Variants in MLST8 observed in about 807,000 individuals in gnomAD.
The protein encoded by MLST8 is MTOR associated protein MLST8, also known as target of rapamycin complex subunit LST8.
Under a neutral mutation model 41.3 loss-of-function variants are expected in MLST8, and 20 were observed. The ratio of observed to expected loss-of-function variants is 0.48; its 90% CI spans 0.34 to 0.70. The LOEUF (loss-of-function observed/expected upper bound fraction) is 0.70, where lower values mean the gene tolerates loss of function less well. Among genes scored for constraint, MLST8 ranks in the 30% least tolerant of loss-of-function variants. MLST8 has a pLI of 0.01. For missense variants in MLST8, 422 were observed against 454.3 expected, an observed-to-expected ratio of 0.93 and a Z score of 0.65; for synonymous variants, 243 against 183.0, an observed-to-expected ratio of 1.33 and a Z score of -2.65.
intron 6 of MLST8, 192 bp downstream of exon 6, chr16:2,207,537 C>T (rs190253464): frequency 4.5e-5 from 29 of 638,476 alleles, no homozygotes; most frequent in Middle Eastern, 3.8e-4. Context: ...GTCTGCAGGT[C>T]GGTCACTCCG....
At chr16:2,206,742 G>C (rs1199874865) in intron 4 of MLST8, 83 bp downstream of exon 4, 3 of 1,508,772 alleles carry the variant, frequency 2.0e-6, no homozygotes, top group Non-Finnish European at 1.8e-6. Flanking sequence ...TCTTCAAGCA[G>C]AGGCTGAGAC....
At position 2,206,210 on chromosome 16, in the gene MLST8, AC is replaced by A. The variant is rs766492421; in HGVS notation, c.126del (p.Ser43ProfsTer3). The A allele has an allele frequency of 1.6e-5, 25 of 1,607,074 alleles. No homozygotes were observed. On this transcript the variant is annotated frameshift_variant, in exon 2 of 9. Coordinates refer to ENST00000569417, the MANE Select transcript of MLST8 (RefSeq NM_022372.6). LOFTEE classifies it high-confidence loss of function. ...GICTRTVQHQ[D>X]SQVNALEVTP... The stretch of plus-strand genomic sequence containing the variant: ...TGCACCCGGACGGTGCAGCACCAGG[AC>A]TCCGTATCCTCCACCCGGGGCGGGC...
chr16:2,207,704 G>C (rs541096481), intron 6 of MLST8: 2 of 335,680 alleles, frequency 6.0e-6, no homozygotes, highest in East Asian at 1.3e-4. Flanking sequence ...TTCTCTCTTG[G>C]ATGCTTCTAG....
intron 4 of MLST8, 143 bp from the exon 5 acceptor site, chr16:2,206,892 G>A (rs1303324214): frequency 2.5e-6 from 3 of 1,194,284 alleles, no homozygotes; most frequent in Non-Finnish European, 3.7e-6. Context: ...GCTCCCTGCT[G>A]GAGCAGAGGG....
rs1334886315 is a variant in MLST8 at position 2,207,182 on chromosome 16, C to G, written c.421-11C>G. 1.9e-6 allele frequency: 3 copies of G among 1,613,572 alleles called. No homozygotes were observed. The highest frequency in any genetic ancestry group is 1.7e-6 in the Non-Finnish European group (2 of 1,179,574). On this transcript the variant is annotated splice_polypyrimidine_tract_variant and intron_variant, in intron 5 of 8. Transcript: ENST00000569417. The stretch of plus-strand genomic sequence containing the variant: ...GGGCTTGGGCCCTGCCTCACCACCC[C>G]TGCACCCCAGGCAGAGCTCATCGTG...
rs1282473715 is a variant in MLST8, at chr16:2,208,455, T to C, written c.704T>C (p.Leu235Pro). Reference sequence around the variant, plus strand: ...GCCCCATGCCCACCCACTAGGCTCCTCGCCACCTGCTCGGCTGATCAGACG... The same window carrying C: ...GCCCCATGCCCACCCACTAGGCTCCCCGCCACCTGCTCGGCTGATCAGACG... ...QCRFSPDSTL[L>P]ATCSADQTCK... is the part of the protein sequence containing the mutation. Residue 235 changes from leucine to proline, a missense_variant, in exon 8 of 9, where the codon CTC becomes CCC. Transcript: ENST00000569417. 6.2e-7 allele frequency: 1 copy of C among 1,612,706 alleles called. No homozygotes were observed. The highest frequency in any genetic ancestry group is 8.5e-7 in the Non-Finnish European group (1 of 1,179,746).
rs757379497 is a variant in MLST8, at chr16:2,205,807, G to T, written c.-55-224G>T. ...CCCCCCTGCCGGCTGCGGAGGTGGG[G>T]GGGGGACGGCGCCCCCGCCGTGTGC... On this transcript the variant is annotated intron_variant, in intron 1 of 8. Transcript: ENST00000569417. 13 of 1,117,020 alleles carry T rather than the reference G, an allele frequency of 1.2e-5. 1 individual carries two copies. In the East Asian group the frequency reaches 1.6e-4, roughly 14 times the overall value. 69.2% of individuals were successfully genotyped at this position (1,117,020 alleles called of 1,614,324 possible).
rs769215924 is a variant in MLST8 at position 2,206,071 on chromosome 16, C to G, written c.-15C>G. The G allele has an allele frequency of 2.5e-6, 4 of 1,577,664 alleles. No individual in the cohort carries two copies. Among genetic ancestry groups the G allele is most frequent in the Non-Finnish European group, 2.6e-6 (3 of 1,158,598 alleles). ...ACCCCTGCCGTTCAGCTCTAGGGCC[C>G]GTGCAGGCCACACCATGAACACCTC... On this transcript the variant is annotated 5_prime_UTR_variant, in exon 2 of 9. Coordinates refer to ENST00000569417, the MANE Select transcript of MLST8 (RefSeq NM_022372.6).
chr16:2,205,893 C>A, intron 1 of MLST8, 138 bp from the exon 2 acceptor site: 1 of 1,401,702 alleles, frequency 7.1e-7, no homozygotes. Context: ...GCGTGTGACG[C>A]GTGTCCCTGA....
At position 2,207,026 on chromosome 16, in the gene MLST8, G is replaced by A; in HGVS notation, c.345-9G>A. 6 of 1,612,812 alleles carry A rather than the reference G, an allele frequency of 3.7e-6. No individual in the cohort carries two copies. Among genetic ancestry groups the A allele is most frequent in the Non-Finnish European group, 5.1e-6 (6 of 1,179,820 alleles). ...AGATGGACAGCATGTGCCCCGGCCC[G>A]GCCCGCAGGTCCCGGAACCTGCAGT... On this transcript the variant is annotated splice_polypyrimidine_tract_variant and intron_variant, in intron 4 of 8. Transcript: ENST00000569417.
intron 8 of MLST8, 40 bp from the exon 9 acceptor site, chr16:2,208,719 T>C: frequency 6.2e-7 from 1 of 1,613,584 alleles, no homozygotes; most frequent in Non-Finnish European, 8.5e-7. Context: ...CTGCTTGGCC[T>C]GCACCTGCGC....
Position 2,208,292 on chromosome 16 carries a change from A to G in MLST8, c.656A>G (p.His219Arg). The change falls in exon 7 of 9, where the codon CAC becomes CGC. Residue 219 changes from histidine to arginine, a missense_variant. Transcript: ENST00000569417. ...QLIPKTKIPA[H>R]TRYALQCRFS... ...ATCCCCAAGACTAAGATCCCTGCCCACACGCGCTACGCCCTGCAGTGTCGC... is the reference window on the plus strand; with the variant it reads ...ATCCCCAAGACTAAGATCCCTGCCCGCACGCGCTACGCCCTGCAGTGTCGC... 6.2e-7 allele frequency: 1 copy of G among 1,613,366 alleles called. No homozygotes were observed.
In MLST8 at chr16:2,209,364, A is replaced by G. The variant is rs2141392233; in HGVS notation, c.*487A>G. ...CCAGGCTGGGCCAGGTCGGGGGCTCAGTCTGGGAGGTAATAAAAGCAGACC... is the reference window on the plus strand; with the variant it reads ...CCAGGCTGGGCCAGGTCGGGGGCTCGGTCTGGGAGGTAATAAAAGCAGACC... On this transcript the variant is annotated 3_prime_UTR_variant, in exon 9 of 9. Transcript: ENST00000569417. 1 of 1,609,588 alleles carries G rather than the reference A, an allele frequency of 6.2e-7. No individual in the cohort carries two copies. Among genetic ancestry groups the G allele is most frequent in the Non-Finnish European group, 8.5e-7 (1 of 1,176,622 alleles).
rs746855133 is a variant in MLST8 at position 2,208,990 on chromosome 16, G to A, written c.*113G>A. 1.7e-6 allele frequency: 2 copies of A among 1,180,738 alleles called. No homozygotes were observed. The highest frequency in any genetic ancestry group is 2.3e-5 in the East Asian group (1 of 42,626). The allele number at this position is 1,180,738 out of a possible 1,614,324, so 73.1% of individuals were successfully genotyped here. ...CGGCCTGCGCCAGCTGGACCTGATGGCCCCCTGTGGCGCCTTGACCTGCTG... is the reference window on the plus strand; with the variant it reads ...CGGCCTGCGCCAGCTGGACCTGATGACCCCCTGTGGCGCCTTGACCTGCTG... On this transcript the variant is annotated 3_prime_UTR_variant, in exon 9 of 9. Transcript: ENST00000569417.
Position 2,208,897 on chromosome 16 carries a change from G to A in MLST8, c.*20G>A, listed in dbSNP as rs753922717. ...GGCTAGCCTGTGACCCCTCGGGACT[G>A]CCTGGTGCAGGTGGTGGCAGCTGGA... On this transcript the variant is annotated 3_prime_UTR_variant, in exon 9 of 9. Transcript: ENST00000569417. 6.2e-7 allele frequency: 1 copy of A among 1,611,270 alleles called. No homozygotes were observed. Among genetic ancestry groups the A allele is most frequent in the South Asian group, 1.1e-5 (1 of 91,032 alleles).
At chr16:2,206,716 GTT>G in intron 4 of MLST8, 57 bp downstream of exon 4, 1 of 1,582,476 alleles carries the variant, frequency 6.3e-7, no homozygotes, top group Non-Finnish European at 8.6e-7. Context: ...CTGGGAGACC[GTT>G]TTAGGTTGGG....
In MLST8 at chr16:2,206,584, C is replaced by T; in HGVS notation, c.269C>T (p.Ser90Phe). ...GACGGCGTCAACAAGAACATCGCGT[C>T]TGTGGGCTTCCACGAAGACGGCCGC... is the stretch of plus-strand genomic sequence containing the variant. ...SYDGVNKNIASVGFHEDGRWM... is the reference protein window; with the variant it reads ...SYDGVNKNIAFVGFHEDGRWM... Residue 90 changes from serine (S) to phenylalanine (F), a missense_variant, in exon 4 of 9, where the codon TCT becomes TTT. Physicochemically the swap from Ser to Phe is radical, Grantham distance 155 (BLOSUM62 -2). Transcript: ENST00000569417. 1.9e-6 allele frequency: 3 copies of T among 1,614,078 alleles called. No homozygotes were observed. Among genetic ancestry groups the T allele is most frequent in the Non-Finnish European group, 1.7e-6 (2 of 1,180,026 alleles).
chr16:2,207,183 T>C lies in MLST8; in HGVS notation c.421-10T>C, dbSNP rs779162509. On this transcript the variant is annotated splice_polypyrimidine_tract_variant and intron_variant, in intron 5 of 8. Transcript: ENST00000569417. ...GGCTTGGGCCCTGCCTCACCACCCC[T>C]GCACCCCAGGCAGAGCTCATCGTGG... 6.2e-7 allele frequency: 1 copy of C among 1,613,450 alleles called. No homozygotes were observed. Among genetic ancestry groups the C allele is most frequent in the African/African-American group, 1.3e-5 (1 of 74,928 alleles).
chr16:2,205,988 G>A (rs1287560487), intron 1 of MLST8, 43 bp from the exon 2 acceptor site: 2 of 1,502,534 alleles, frequency 1.3e-6, no homozygotes, highest in Non-Finnish European at 1.8e-6. Flanking sequence ...AATCTACTTA[G>A]CACAGAGAGT....
Sources: gnomAD v4.1 joint callset for allele counts on GRCh38, gnomAD v4.1.1 for gene constraint, MANE v1.5 for transcripts, NCBI Gene and HGNC (gene_info 2026-07-23, HGNC 2026-07-21) for gene names.